The following CDH13 variants were observed in gnomAD, a reference collection of about 807,000 sequenced individuals.
CDH13 encodes cadherin-13.
Under a neutral mutation model 63.8 loss-of-function variants are expected in CDH13, and 24 were observed. The ratio of observed to expected loss-of-function variants is 0.38; its 90% CI spans 0.27 to 0.53. The LOEUF (loss-of-function observed/expected upper bound fraction) is 0.53, where lower values mean the gene tolerates loss of function less well. CDH13 is among the 20% of genes least tolerant of loss of function. The pLI is 0.85. For synonymous variants in CDH13, 503 were observed against 355.3 expected (o/e 1.42, Z -4.67); for missense variants, 1,049 against 903.1 (o/e 1.16, Z -2.07).
chr16:83,080,902 A>G (rs189321107), intron 3 of CDH13, among the ~76,000 whole-genome samples: 310 of 19,170 alleles, frequency 0.016, 1 homozygote, highest in Admixed American at 0.034. Context: ...TTTTTTTGAG[A>G]CAGAGTTTTG....
At chr16:82,763,564 C>G (rs1226375929) in intron 1 of CDH13, among the ~76,000 whole-genome samples, 1 of 152,188 alleles carries the variant, frequency 6.6e-6, no homozygotes, top group Non-Finnish European at 1.5e-5. Context: ...CTTAAAAATG[C>G]AATGTCTGCA....
intron 4 of CDH13, among the ~76,000 whole-genome samples, chr16:83,204,970 C>G (rs1473829989): frequency 1.3e-5 from 2 of 152,234 alleles, no homozygotes; most frequent in African/African-American, 2.4e-5. Context: ...CTAGCTAACG[C>G]AAGTCCCATG....
chr16:82,671,680 C>A (rs148585216), intron 1 of CDH13, among the ~76,000 whole-genome samples: 2,855 of 152,226 alleles, frequency 0.019, 82 homozygotes, highest in African/African-American at 0.065. Flanking sequence ...CTTCGTGAAT[C>A]CAACTGAAAT....
intron 2 of CDH13, among the ~76,000 whole-genome samples, chr16:82,860,301 C>A (rs1486713176): frequency 7.0e-6 from 1 of 142,778 alleles, no homozygotes; most frequent in South Asian, 2.1e-4. Context: ...TGCTGAGAAG[C>A]TGGAAACAAT....
intron 3 of CDH13, among the ~76,000 whole-genome samples, chr16:83,050,618 A>G (rs955272814): frequency 1.3e-5 from 2 of 152,034 alleles, no homozygotes; most frequent in Non-Finnish European, 2.9e-5. Flanking sequence ...TATCCAACCT[A>G]GCAGCTTTAA....
chr16:83,511,829 T>C (rs1468906927), intron 7 of CDH13, among the ~76,000 whole-genome samples: 1 of 152,136 alleles, frequency 6.6e-6, no homozygotes, highest in Non-Finnish European at 1.5e-5. Context: ...CCGACACCCA[T>C]AGCACATAAG....
rs376763209 is a variant in CDH13 at position 82,855,856 on chromosome 16, A to C, written c.46-2506A>C. On this transcript the variant is annotated intron_variant, in intron 1 of 13. Transcript: ENST00000567109. The stretch of plus-strand genomic sequence containing the variant: ...TGCTCCCTTCTTTGGGGTTCAGTGC[A>C]TTTCAGAGGGCTGGTATTTAGAGAG... Among the ~76,000 whole-genome samples, 61 of 152,196 alleles carry C rather than the reference A, an allele frequency of 4.0e-4. 1 individual carries two copies. Among genetic ancestry groups the C allele is most frequent in the African/African-American group, 1.3e-3 (55 of 41,522 alleles).
intron 1 of CDH13, among the ~76,000 whole-genome samples, chr16:82,822,839 C>A (rs2038066208): frequency 1.3e-5 from 2 of 152,182 alleles, no homozygotes; most frequent in South Asian, 2.1e-4. Flanking sequence ...AATGTCAACA[C>A]CATTTTATTA....
At chr16:82,859,325 A>T (rs2039834355) in intron 2 of CDH13, 1 of 152,408 alleles carries the variant, frequency 6.6e-6, no homozygotes, top group Non-Finnish European at 1.5e-5. Context: ...TGGGAGGCCG[A>T]GGAGGATGGA....
chr16:83,194,317 T>G (rs2038811014), intron 4 of CDH13, among the ~76,000 whole-genome samples: 1 of 152,214 alleles, frequency 6.6e-6, no homozygotes, highest in Non-Finnish European at 1.5e-5. Flanking sequence ...ATGATCACGC[T>G]TGCTGTTAGC....
intron 7 of CDH13, among the ~76,000 whole-genome samples, chr16:83,531,779 G>T (rs1403537066): frequency 6.6e-6 from 1 of 152,170 alleles, no homozygotes; most frequent in Non-Finnish European, 1.5e-5. Flanking sequence ...TGGCCCTGCG[G>T]CCACCTTAAT....
At chr16:82,674,156 C>T (rs1285437411) in intron 1 of CDH13, among the ~76,000 whole-genome samples, 7 of 152,146 alleles carry the variant, frequency 4.6e-5, no homozygotes, top group Non-Finnish European at 7.4e-5. Context: ...GAGGAATTAG[C>T]AGAAAATCAC....
At chr16:82,776,777 T>C (rs1416293568) in intron 1 of CDH13, among the ~76,000 whole-genome samples, 1 of 152,172 alleles carries the variant, frequency 6.6e-6, no homozygotes, top group African/African-American at 2.4e-5. Context: ...CATCCCTCTC[T>C]TCTCCCACCA....
intron 5 of CDH13, among the ~76,000 whole-genome samples, chr16:83,252,107 T>TTCACACACACAC (rs369937109): frequency 1.1e-4 from 15 of 135,946 alleles, no homozygotes; most frequent in African/African-American, 3.6e-4. Flanking sequence ...ATATATATTA[T>TTCACACACACAC]ACACACACAC....
intron 10 of CDH13, among the ~76,000 whole-genome samples, chr16:83,712,880 T>C (rs1206242503): frequency 6.6e-6 from 1 of 152,256 alleles, no homozygotes; most frequent in African/African-American, 2.4e-5. Context: ...CTATTAAGTT[T>C]GTTGGTACAT....
intron 9 of CDH13, among the ~76,000 whole-genome samples, chr16:83,677,047 G>C (rs1000008805): frequency 6.6e-6 from 1 of 152,094 alleles, no homozygotes; most frequent in Non-Finnish European, 1.5e-5. Context: ...TTACGGCATG[G>C]GTCTGATGGG....
chr16:83,592,761 G>A, intron 7 of CDH13, among the ~76,000 whole-genome samples: 1 of 151,988 alleles, frequency 6.6e-6, no homozygotes, highest in Non-Finnish European at 1.5e-5. Flanking sequence ...CCAGCCCCCA[G>A]CCACGAATGC....
At chr16:82,721,702 T>C (rs774342065) in intron 1 of CDH13, among the ~76,000 whole-genome samples, 2 of 152,188 alleles carry the variant, frequency 1.3e-5, no homozygotes, top group African/African-American at 2.4e-5. Context: ...TTCTGGTCTT[T>C]GTAGGCCATG....
intron 2 of CDH13, among the ~76,000 whole-genome samples, chr16:82,904,647 C>G (rs1263005892): frequency 6.6e-6 from 1 of 152,122 alleles, no homozygotes; most frequent in Non-Finnish European, 1.5e-5. Flanking sequence ...TTCAAGATAC[C>G]TGGGTGGGCA....
Sources: allele counts gnomAD v4.1 joint callset (sites outside exome capture counted in the v4.1 genomes callset), GRCh38; gene constraint gnomAD v4.1.1; transcripts MANE v1.5; gene names NCBI Gene and HGNC (gene_info 2026-07-23, HGNC 2026-07-21).